The following NKAIN3 variants were observed in gnomAD, a reference collection of about 807,000 sequenced individuals.
The protein encoded by NKAIN3 is sodium/potassium transporting ATPase interacting 3, also known as sodium/potassium-transporting ATPase subunit beta-1-interacting protein 3.
A neutral mutation model predicts 30.2 loss-of-function variants in NKAIN3; 25 were observed. That is an observed-to-expected ratio of 0.83 (90% CI 0.60 to 1.16). The LOEUF (loss-of-function observed/expected upper bound fraction) is 1.16, where lower values mean the gene tolerates loss of function less well. Ranked by LOEUF, NKAIN3 falls within the 50% of genes most tolerant of loss-of-function variation. The probability of loss-of-function intolerance (pLI) is 0.00; values close to 1 mark genes in which losing one functional copy is unlikely to be tolerated. For missense variants in NKAIN3, 225 were observed against 254.1 expected (o/e 0.89, Z 0.78); for synonymous variants, 91 against 89.6 (o/e 1.02, Z -0.09).
At chr8:62,556,433 A>G (rs1375270450) in intron 1 of NKAIN3, among the ~76,000 whole-genome samples, 1 of 151,798 alleles carries the variant, frequency 6.6e-6, no homozygotes, top group Non-Finnish European at 1.5e-5. Context: ...CCTAGAAATT[A>G]TTAATAAAAT....
chr8:62,391,299 A>T (rs575842032), intron 1 of NKAIN3, among the ~76,000 whole-genome samples: 18 of 152,294 alleles, frequency 1.2e-4, no homozygotes, highest in Non-Finnish European at 1.8e-4. Flanking sequence ...TCTCCCTTGC[A>T]GCCTCAGTGG....
chr8:62,825,855 C>G (rs1435212522), intron 4 of NKAIN3, among the ~76,000 whole-genome samples: 1 of 152,162 alleles, frequency 6.6e-6, no homozygotes, highest in Non-Finnish European at 1.5e-5. Flanking sequence ...GCTTATGGCC[C>G]CTGACTGCTG....
chr8:62,543,428 T>C (rs2129901602), intron 1 of NKAIN3, among the ~76,000 whole-genome samples: 1 of 152,334 alleles, frequency 6.6e-6, no homozygotes, highest in East Asian at 1.9e-4. Flanking sequence ...ATTCAGTGTC[T>C]ATATAAATAG....
At chr8:62,956,602 G>T (rs1204784934) in intron 6 of NKAIN3, among the ~76,000 whole-genome samples, 3 of 152,092 alleles carry the variant, frequency 2.0e-5, no homozygotes, top group Non-Finnish European at 4.4e-5. Flanking sequence ...GGGGTAAGGT[G>T]GTTCACATAT....
intron 4 of NKAIN3, chr8:62,855,970 G>T (rs1235353673): frequency 7.1e-6 from 5 of 700,658 alleles, no homozygotes; most frequent in African/African-American, 5.3e-5. Flanking sequence ...GCACTAAACA[G>T]GGTTGAGCTC....
rs1824088096 is a variant in NKAIN3, at chr8:62,981,830, C to G, written c.*16423C>G. On this transcript the variant is annotated 3_prime_UTR_variant, in exon 7 of 7. Coordinates refer to ENST00000623646, the MANE Select transcript of NKAIN3 (RefSeq NM_001304533.3). ...AAAACTCCTGAGTTTTACATGTACC[C>G]TAAAACTTAAAGTATAGTAAAAAAA... is the stretch of plus-strand genomic sequence containing the variant. 1 of 151,126 alleles carries G rather than the reference C, an allele frequency of 6.6e-6. No individual in the cohort carries two copies. The highest frequency in any genetic ancestry group is 1.5e-5 in the Non-Finnish European group (1 of 67,856). 9.4% of individuals were successfully genotyped at this position (151,126 alleles called of 1,614,324 possible). A position where few individuals can be genotyped will look rare whatever the true frequency, so the allele number is the denominator to read the frequency against.
In NKAIN3 at chr8:62,977,286, G is replaced by A. The variant is rs1189046058; in HGVS notation, c.*11879G>A. Among the ~76,000 whole-genome samples the A allele has an allele frequency of 6.6e-6, 1 of 152,066 alleles. No individual in the cohort carries two copies. Among genetic ancestry groups the A allele is most frequent in the Non-Finnish European group, 1.5e-5 (1 of 68,034 alleles). On this transcript the variant is annotated 3_prime_UTR_variant, in exon 7 of 7. Coordinates refer to ENST00000623646, the MANE Select transcript of NKAIN3 (RefSeq NM_001304533.3). Reference sequence around the variant, plus strand: ...TCTCCTGGATTATATCCTAAATTGTGCTTTCCAACTTGATTCCATTCTCCC... The same window carrying A: ...TCTCCTGGATTATATCCTAAATTGTACTTTCCAACTTGATTCCATTCTCCC...
intron 1 of NKAIN3, among the ~76,000 whole-genome samples, chr8:62,463,907 C>T (rs190189476): frequency 1.6e-3 from 247 of 152,144 alleles, no homozygotes; most frequent in African/African-American, 5.7e-3. Flanking sequence ...CTGTAGCTGA[C>T]CACAGGTAAC....
At chr8:62,622,000 A>G (rs1247104885) in intron 3 of NKAIN3, among the ~76,000 whole-genome samples, 1 of 152,066 alleles carries the variant, frequency 6.6e-6, no homozygotes, top group Non-Finnish European at 1.5e-5. Context: ...TGTATCCTAC[A>G]TGTCTATAAT....
chr8:62,807,284 G>A (rs1161721414), intron 4 of NKAIN3, among the ~76,000 whole-genome samples: 1 of 152,102 alleles, frequency 6.6e-6, no homozygotes, highest in Non-Finnish European at 1.5e-5. Flanking sequence ...CATTAAAGCA[G>A]CCTTGCATCT....
intron 4 of NKAIN3, among the ~76,000 whole-genome samples, chr8:62,861,998 TG>T (rs1820255832): frequency 6.6e-6 from 1 of 152,232 alleles, no homozygotes; most frequent in African/African-American, 2.4e-5. Context: ...ATGACCACAT[TG>T]AGTACATATT....
At chr8:62,935,665 T>TTA (rs982082538) in intron 5 of NKAIN3, among the ~76,000 whole-genome samples, 3 of 152,132 alleles carry the variant, frequency 2.0e-5, no homozygotes, top group Non-Finnish European at 4.4e-5. Context: ...AAGAGAGACG[T>TTA]TAGTCACTCA....
At chr8:62,848,502 T>C (rs62510767) in intron 4 of NKAIN3, among the ~76,000 whole-genome samples, 12,534 of 152,212 alleles carry the variant, frequency 0.082, 576 homozygotes, top group South Asian at 0.14. Context: ...ATGCTAGCAA[T>C]TTTTGCTCAT....
At chr8:62,580,275 A>G (rs932764076) in intron 2 of NKAIN3, among the ~76,000 whole-genome samples, 2 of 152,198 alleles carry the variant, frequency 1.3e-5, no homozygotes, top group African/African-American at 4.8e-5. Context: ...ACACTCCATT[A>G]TAGGACAGTT....
intron 1 of NKAIN3, among the ~76,000 whole-genome samples, chr8:62,451,208 G>T (rs547619780): frequency 1.1e-4 from 16 of 151,354 alleles, no homozygotes; most frequent in Admixed American, 7.3e-4. Flanking sequence ...TCATTGAATC[G>T]CCTTCTCTTC....
chr8:62,481,448 C>T (rs1423594780), intron 1 of NKAIN3, among the ~76,000 whole-genome samples: 1 of 152,060 alleles, frequency 6.6e-6, no homozygotes, highest in African/African-American at 2.4e-5. Flanking sequence ...TATCATTGGA[C>T]TTACCATGTC....
intron 5 of NKAIN3, among the ~76,000 whole-genome samples, chr8:62,997,929 T>G (rs1460578032): frequency 6.6e-6 from 1 of 152,110 alleles, no homozygotes; most frequent in African/African-American, 2.4e-5. Flanking sequence ...ATTTATGGGT[T>G]TTTCTGTGTA....
At chr8:62,804,339 C>T (rs549392027) in intron 4 of NKAIN3, among the ~76,000 whole-genome samples, 2 of 152,100 alleles carry the variant, frequency 1.3e-5, no homozygotes, top group African/African-American at 4.8e-5. Flanking sequence ...CTGGCAGAGA[C>T]ACAACCAAAA....
At chr8:62,780,583 A>G (rs1340476168) in intron 4 of NKAIN3, among the ~76,000 whole-genome samples, 1 of 152,056 alleles carries the variant, frequency 6.6e-6, no homozygotes, top group Non-Finnish European at 1.5e-5. Context: ...AAAAAATAAT[A>G]TACCATGATC....
Sources: gnomAD v4.1 joint callset for allele counts (sites outside exome capture counted in the v4.1 genomes callset) on GRCh38, gnomAD v4.1.1 for gene constraint, MANE v1.5 for transcripts, NCBI Gene and HGNC (gene_info 2026-07-23, HGNC 2026-07-21) for gene names.